CYGB: variants seen among roughly 807,000 people sequenced by gnomAD.
The protein encoded by CYGB is cytoglobin.
A neutral mutation model predicts 20.7 loss-of-function variants in CYGB; 13 were observed. The observed-to-expected ratio is 0.63, with a 90% CI of 0.41 to 1.00. CYGB has a LOEUF of 1.00. CYGB is among the 50% of genes least tolerant of loss of function. The pLI is 0.00. For missense variants in CYGB, 218 were observed against 257.2 expected, an observed-to-expected ratio of 0.85 and a Z score of 1.04; for synonymous variants, 93 against 107.4, an observed-to-expected ratio of 0.87 and a Z score of 0.83.
At position 76,527,601 on chromosome 17, in the gene CYGB, TGC is replaced by T; in HGVS notation, c.*975_*976del. On this transcript the variant is annotated 3_prime_UTR_variant, in exon 4 of 4. Transcript: ENST00000293230. ...ACGCAGATGAATAGACAGGGCCGAC[TGC>T]CGGCCAGGAGGAGGGTGGGGTGGGG... The T allele has an allele frequency of 2.2e-6, 1 of 453,092 alleles. No individual in the cohort carries two copies. Among genetic ancestry groups the T allele is most frequent in the Non-Finnish European group, 4.4e-6 (1 of 225,834 alleles). 28.1% of individuals were successfully genotyped at this position (453,092 alleles called of 1,614,324 possible). A position where few individuals can be genotyped will look rare whatever the true frequency, so the allele number is the denominator to read the frequency against.
chr17:76,540,252 G>GT (rs1555624422), upstream of CYGB: 27 of 925,428 alleles, frequency 2.9e-5, 1 homozygote, highest in South Asian at 3.8e-4. The surrounding 1 kb of genome is among the most constrained non-coding windows in gnomAD (Gnocchi z 5.0). Flanking sequence ...GCGGTTGGTC[G>GT]GGGGGGGGGG....
At chr17:76,547,097 C>T (rs900045117) in intron 1 of CYGB, 2 of 152,284 alleles carry the variant, frequency 1.3e-5, no homozygotes, top group East Asian at 3.8e-4. Flanking sequence ...TGCCACCAAT[C>T]TGTCTTCAGG....
chr17:76,529,523 G>A, intron 3 of CYGB: 1 of 985,466 alleles, frequency 1.0e-6, no homozygotes, highest in Non-Finnish European at 1.2e-6. Context: ...CTCGCGCCCA[G>A]CCAGCTCTCT....
chr17:76,544,152 G>A, intron 1 of CYGB: 1 of 454,548 alleles, frequency 2.2e-6, no homozygotes, highest in South Asian at 1.6e-5. Flanking sequence ...GACCCTGCAG[G>A]CAGCTGCTCC....
rs1312356834 is a variant in CYGB at position 76,530,022 on chromosome 17, C to T, written c.539+957G>A. ...AGGGGACCTCCTCCAGGAGCTGTGCCTGTGAACAGAAGGGCCGGCAGTCTT... is the reference window on the plus strand; with the variant it reads ...AGGGGACCTCCTCCAGGAGCTGTGCTTGTGAACAGAAGGGCCGGCAGTCTT... On this transcript the variant is annotated intron_variant, in intron 3 of 3. Coordinates refer to ENST00000293230, the MANE Select transcript of CYGB (RefSeq NM_134268.5). This position sits in a 1 kb window ranked among gnomAD's most constrained non-coding sequence, Gnocchi z 6.1. 2.0e-6 allele frequency: 2 copies of T among 985,406 alleles called. No individual in the cohort carries two copies. The highest frequency in any genetic ancestry group is 9.4e-5 in the South Asian group (2 of 21,294). The allele number at this position is 985,406 out of a possible 1,614,324, so 61.0% of individuals were successfully genotyped here.
rs909140815 is a variant in CYGB, at chr17:76,531,898, T to C, written c.144-207A>G. 1.9e-6 allele frequency: 1 copy of C among 513,958 alleles called. No individual in the cohort carries two copies. The highest frequency in any genetic ancestry group is 3.5e-6 in the Non-Finnish European group (1 of 287,116). The allele number at this position is 513,958 out of a possible 1,614,324, so 31.8% of individuals were successfully genotyped here. On this transcript the variant is annotated intron_variant, in intron 1 of 3. Transcript: ENST00000293230. The surrounding 1 kb of genome is among the most constrained non-coding windows in gnomAD (Gnocchi z 7.4). ...CACCCCTACCAAGTCTGGCCATGTCTATCTGCCAGGCTTGCTCAGGCTGGC... is the reference window on the plus strand; with the variant it reads ...CACCCCTACCAAGTCTGGCCATGTCCATCTGCCAGGCTTGCTCAGGCTGGC...
intron 1 of CYGB, among the ~76,000 whole-genome samples, chr17:76,534,258 C>A (rs1310042816): frequency 6.6e-6 from 1 of 151,626 alleles, no homozygotes; most frequent in African/African-American, 2.4e-5. Context: ...CTCACTGCAA[C>A]CTCTGCCTCC....
rs1370197718 is a variant in CYGB at position 76,527,861 on chromosome 17, G to C, written c.*717C>G. 1 of 449,572 alleles carries C rather than the reference G, an allele frequency of 2.2e-6. No individual in the cohort carries two copies. Among genetic ancestry groups the C allele is most frequent in the Non-Finnish European group, 4.5e-6 (1 of 223,032 alleles). 27.8% of individuals were successfully genotyped at this position (449,572 alleles called of 1,614,324 possible). On this transcript the variant is annotated 3_prime_UTR_variant, in exon 4 of 4. Coordinates refer to ENST00000293230, the MANE Select transcript of CYGB (RefSeq NM_134268.5). Reference sequence around the variant, plus strand: ...GAGTCAGTTCCTCTGAGGGAGTAGGGGGAGCCCACTCCTTTCTGCCTGGAA... The same window carrying C: ...GAGTCAGTTCCTCTGAGGGAGTAGGCGGAGCCCACTCCTTTCTGCCTGGAA...
upstream of CYGB, chr17:76,538,117 G>A (rs1351168084): frequency 6.5e-6 from 1 of 154,446 alleles, no homozygotes; most frequent in African/African-American, 2.4e-5. Flanking sequence ...TTCCCGCGGC[G>A]GGGAACTGAC....
intron 1 of CYGB, chr17:76,543,498 T>TA (rs2075016218): frequency 2.9e-6 from 1 of 348,268 alleles, no homozygotes; most frequent in South Asian, 2.2e-5. Flanking sequence ...CTGGTAATGT[T>TA]ATTATCCACA....
At chr17:76,529,029 C>T in intron 3 of CYGB, 1 of 969,852 alleles carries the variant, frequency 1.0e-6, no homozygotes, top group Non-Finnish European at 1.2e-6. Context: ...ACACAGCGCC[C>T]CCTGCAGTCA....
chr17:76,545,093 T>C (rs1679826753), intron 1 of CYGB: 1 of 454,846 alleles, frequency 2.2e-6, no homozygotes, highest in African/African-American at 2.0e-5. Flanking sequence ...GCAGGCTGGC[T>C]TTGGTGGGAG....
At chr17:76,543,242 C>T (rs193049419) in intron 1 of CYGB, 3 of 368,862 alleles carry the variant, frequency 8.1e-6, no homozygotes, top group African/African-American at 4.3e-5. Context: ...TCGCTGCTCT[C>T]GGACGGGCTT....
In CYGB at chr17:76,530,149, G is replaced by A. The variant is rs978843702; in HGVS notation, c.539+830C>T. 132 of 944,648 alleles carry A rather than the reference G, an allele frequency of 1.4e-4. No individual in the cohort carries two copies. Among genetic ancestry groups the A allele is most frequent in the Non-Finnish European group, 1.6e-4 (125 of 792,772 alleles). The allele number at this position is 944,648 out of a possible 1,614,324, so 58.5% of individuals were successfully genotyped here. A position where few individuals can be genotyped will look rare whatever the true frequency, so the allele number is the denominator to read the frequency against. On this transcript the variant is annotated intron_variant, in intron 3 of 3. Transcript: ENST00000293230. The surrounding 1 kb of genome is among the most constrained non-coding windows in gnomAD (Gnocchi z 6.1). ...AATGTTTCTCTACCACGCGTGTCCC[G>A]GGCTGCTGGCTGACCTCTGCTTCCC...
At position 76,546,045 on chromosome 17, in the gene CYGB, C is replaced by T. The variant is rs1197269808; in HGVS notation, c.-53+4817G>A. On this transcript the variant is annotated intron_variant, in intron 1 of 3. Transcript: ENST00000589145. This position sits in a 1 kb window ranked among gnomAD's most constrained non-coding sequence, Gnocchi z 4.5. The stretch of plus-strand genomic sequence containing the variant: ...ATGTCCCAACCTCCAGTGGTGACCT[C>T]GACCTGGACAGCGCCACTCCCAGCT... The T allele has an allele frequency of 6.5e-6, 1 of 152,884 alleles. No individual in the cohort carries two copies. The highest frequency in any genetic ancestry group is 2.4e-5 in the African/African-American group (1 of 41,432). 9.5% of individuals were successfully genotyped at this position (152,884 alleles called of 1,614,324 possible).
In CYGB at chr17:76,530,859, T is replaced by C; in HGVS notation, c.539+120A>G. On this transcript the variant is annotated intron_variant, in intron 3 of 3. Coordinates refer to ENST00000293230, the MANE Select transcript of CYGB (RefSeq NM_134268.5). The surrounding 1 kb of genome is among the most constrained non-coding windows in gnomAD (Gnocchi z 6.1). The stretch of plus-strand genomic sequence containing the variant: ...TACATGTCAGACCCCAGGGTTGGCC[T>C]GCCTCAAGTGTGCCTGCCCAGGTGA... 2 of 1,185,374 alleles carry C rather than the reference T, an allele frequency of 1.7e-6. No homozygotes were observed. The highest frequency in any genetic ancestry group is 1.7e-5 in the South Asian group (1 of 59,542). The allele number at this position is 1,185,374 out of a possible 1,614,324, so 73.4% of individuals were successfully genotyped here.
In CYGB at chr17:76,533,988, T is replaced by C. The variant is rs2143100221; in HGVS notation, c.144-2297A>G. Among the ~76,000 whole-genome samples the C allele has an allele frequency of 6.6e-6, 1 of 151,424 alleles. No individual in the cohort carries two copies. The highest frequency in any genetic ancestry group is 2.0e-4 in the East Asian group (1 of 5,072). Reference sequence around the variant, plus strand: ...CAGGATTGGAGGCTGCCATGAGCCATGATGGCGCCACCGTACTCCAGCTTG... The same window carrying C: ...CAGGATTGGAGGCTGCCATGAGCCACGATGGCGCCACCGTACTCCAGCTTG... On this transcript the variant is annotated intron_variant, in intron 1 of 3. Transcript: ENST00000293230. The surrounding 1 kb of genome is among the most constrained non-coding windows in gnomAD (Gnocchi z 4.5).
At position 76,533,878 on chromosome 17, in the gene CYGB, A is replaced by G. The variant is rs2074879682; in HGVS notation, c.144-2187T>C. ...GATCCTGTCTCCAGAAAAAAAGAAA[A>G]AAATTGGCTGGGTGTGGTGGTGCCC... On this transcript the variant is annotated intron_variant, in intron 1 of 3. Coordinates refer to ENST00000293230, the MANE Select transcript of CYGB (RefSeq NM_134268.5). This position sits in a 1 kb window ranked among gnomAD's most constrained non-coding sequence, Gnocchi z 4.5. Among the ~76,000 whole-genome samples, 1 of 152,064 alleles carries G rather than the reference A, an allele frequency of 6.6e-6. No homozygotes were observed. Among genetic ancestry groups the G allele is most frequent in the Non-Finnish European group, 1.5e-5 (1 of 68,018 alleles).
At chr17:76,532,954 C>T (rs1229033412) in intron 1 of CYGB, among the ~76,000 whole-genome samples, 1 of 152,194 alleles carries the variant, frequency 6.6e-6, no homozygotes, top group African/African-American at 2.4e-5. Context: ...TATGGAGTGG[C>T]CTGGACCTGT....
Sources: gnomAD v4.1 joint callset for allele counts (sites outside exome capture counted in the v4.1 genomes callset) on GRCh38, gnomAD v4.1.1 for gene constraint, Gnocchi (gnomAD v3.1) non-coding constraint, MANE v1.5 for transcripts, NCBI Gene and HGNC (gene_info 2026-07-23, HGNC 2026-07-21) for gene names.